Variants in CCNT1 observed in about 807,000 individuals in gnomAD.
CCNT1 encodes the protein cyclin T1.
Under a neutral mutation model 67.3 loss-of-function variants are expected in CCNT1, and 18 were observed. The observed-to-expected ratio is 0.27, with a 90% confidence interval of 0.18 to 0.40. The LOEUF (loss-of-function observed/expected upper bound fraction) is 0.40. Ranked by LOEUF, CCNT1 falls within the 10% of genes least tolerant of loss-of-function variation. CCNT1 has a pLI of 1.00. For missense variants in CCNT1, 744 were observed against 884.9 expected (o/e 0.84, Z 2.02); for synonymous variants, 333 against 310.3 (o/e 1.07, Z -0.77).
rs559667124 is a variant in CCNT1 at position 48,691,544 on chromosome 12, G to T, written c.*1489C>A. 1 of 152,288 alleles carries T rather than the reference G, an allele frequency of 6.6e-6. No individual in the cohort carries two copies. Among genetic ancestry groups the T allele is most frequent in the African/African-American group, 2.4e-5 (1 of 41,560 alleles). 9.4% of individuals were successfully genotyped at this position (152,288 alleles called of 1,614,324 possible). A position where few individuals can be genotyped will look rare whatever the true frequency, so the allele number is the denominator to read the frequency against. ...GAATTCTTTCTAGCCAAGATTTTCTGAAAGATTTATTAAAAATGTTCACTC... is the reference window on the plus strand; with the variant it reads ...GAATTCTTTCTAGCCAAGATTTTCTTAAAGATTTATTAAAAATGTTCACTC... On this transcript the variant is annotated 3_prime_UTR_variant, in exon 9 of 9. Transcript: ENST00000261900.
chr12:48,698,189 G>T lies in CCNT1; in HGVS notation c.497-6C>A. 1.5e-5 allele frequency: 17 copies of T among 1,099,888 alleles called. No individual in the cohort carries two copies. Among genetic ancestry groups the T allele is most frequent in the Non-Finnish European group, 1.8e-5 (14 of 796,316 alleles). The allele number at this position is 1,099,888 out of a possible 1,614,324, so 68.1% of individuals were successfully genotyped here. On this transcript the variant is annotated splice_polypyrimidine_tract_variant and splice_region_variant and intron_variant, in intron 5 of 8. Transcript: ENST00000261900. ...CTGTGCTAAGTCCTTGCTTGCTAAA[G>T]AAAAAAAAAAAAAGTCAGGGGTGGG...
chr12:48,714,475 T>C lies in CCNT1; in HGVS notation c.211A>G (p.Met71Val). ...TAIVYMHRFY[M>V]IQSFTQFPGN... ...GGGAACTGTGTGAAGGACTGAATCATGTAGAATCGATGCATGTATACTATA... is the reference window on the plus strand; with the variant it reads ...GGGAACTGTGTGAAGGACTGAATCACGTAGAATCGATGCATGTATACTATA... Residue 71 changes from methionine to valine, a missense_variant, in exon 2 of 9, where the codon ATG (methionine) becomes GTG (valine). This residue lies in a region of CCNT1 where 142 missense variants were observed against 277.0 expected (regional missense o/e 0.51). Transcript: ENST00000261900. 1.2e-6 allele frequency: 2 copies of C among 1,610,028 alleles called. No homozygotes were observed. Among genetic ancestry groups the C allele is most frequent in the Non-Finnish European group, 1.7e-6 (2 of 1,176,440 alleles).
intron 2 of CCNT1, among the ~76,000 whole-genome samples, chr12:48,713,736 ATCAAATCAC>A (rs1358912121): frequency 6.6e-6 from 1 of 152,192 alleles, no homozygotes; most frequent in African/African-American, 2.4e-5. Flanking sequence ...ATGAGCCATA[ATCAAATCAC>A]TGCATTCCAC....
chr12:48,716,192 G>A (rs1052527167), intron 1 of CCNT1, among the ~76,000 whole-genome samples: 15 of 152,220 alleles, frequency 9.9e-5, no homozygotes, highest in African/African-American at 3.6e-4. Flanking sequence ...GGGCACAGCG[G>A]AAAATGAGAA....
intron 2 of CCNT1, among the ~76,000 whole-genome samples, chr12:48,712,595 TA>T (rs759919820): frequency 1.5e-4 from 5 of 33,380 alleles, no homozygotes; most frequent in East Asian, 4.5e-3. Context: ...AAAAAAAAAA[TA>T]AAAAAAAAAA....
intron 3 of CCNT1, among the ~76,000 whole-genome samples, chr12:48,705,249 C>A (rs543785991): frequency 6.6e-6 from 1 of 152,084 alleles, no homozygotes; most frequent in Non-Finnish European, 1.5e-5. Context: ...GTAGCTGGGA[C>A]TAAAGATGTG....
chr12:48,710,083 G>A (rs540062355), intron 2 of CCNT1, among the ~76,000 whole-genome samples: 1 of 152,010 alleles, frequency 6.6e-6, no homozygotes, highest in South Asian at 2.1e-4. Flanking sequence ...ATAGAGACGG[G>A]GTTTCACCAT....
At chr12:48,703,884 C>T (rs927646878) in intron 3 of CCNT1, among the ~76,000 whole-genome samples, 5 of 150,852 alleles carry the variant, frequency 3.3e-5, no homozygotes, top group Admixed American at 2.6e-4. Flanking sequence ...CATGATCACA[C>T]TACTGGACTC....
At position 48,693,357 on chromosome 12, in the gene CCNT1, G is replaced by A. The variant is rs778407249; in HGVS notation, c.1857C>T (p.Asp619=). The A allele has an allele frequency of 6.2e-7, 1 of 1,614,240 alleles. No homozygotes were observed. Among genetic ancestry groups the A allele is most frequent in the South Asian group, 1.1e-5 (1 of 91,088 alleles). ...TMGQMPGHSS[D]TSGLSFSQPS... is the part of the protein sequence containing the mutation. ...GCTGTGAAAAGGAAAGGCCACTTGT[G>A]TCTGAGCTATGCCCAGGCATCTGAC... is the stretch of plus-strand genomic sequence containing the variant. The change falls in exon 9 of 9, where the codon GAC becomes GAT. Residue 619 remains aspartate, a synonymous_variant. Transcript: ENST00000261900.
rs757993014 is a variant in CCNT1, at chr12:48,692,811, CCTCT to C, written c.*218_*221del. 20 of 450,272 alleles carry C rather than the reference CCTCT, an allele frequency of 4.4e-5. No individual in the cohort carries two copies. The highest frequency in any genetic ancestry group is 1.4e-4 in the Admixed American group (4 of 28,010). 27.9% of individuals were successfully genotyped at this position (450,272 alleles called of 1,614,324 possible). On this transcript the variant is annotated 3_prime_UTR_variant, in exon 9 of 9. Transcript: ENST00000261900. ...TCCTTAATCCTTCACAGCTTCAACA[CCTCT>C]CTAATACCAGTAAAAACTGTAAGAA...
intron 5 of CCNT1, 51 bp from the exon 6 acceptor site, chr12:48,698,234 T>G: frequency 1.6e-6 from 2 of 1,237,944 alleles, no homozygotes; most frequent in Non-Finnish European, 2.3e-6. Context: ...AAGTTATTAG[T>G]TCCATTCATT....
Position 48,691,668 on chromosome 12 carries a change from G to C in CCNT1, c.*1365C>G, listed in dbSNP as rs1183255284. 1 of 152,088 alleles carries C rather than the reference G, an allele frequency of 6.6e-6. No homozygotes were observed. Among genetic ancestry groups the C allele is most frequent in the African/African-American group, 2.4e-5 (1 of 41,410 alleles). The allele number at this position is 152,088 out of a possible 1,614,324, so 9.4% of individuals were successfully genotyped here. On this transcript the variant is annotated 3_prime_UTR_variant, in exon 9 of 9. Coordinates refer to ENST00000261900, the MANE Select transcript of CCNT1 (RefSeq NM_001240.4). ...TAAGAACCTCGATCAAGAACCTAAAGCTACCAAAGATGAACAATCTAAACA... is the reference window on the plus strand; with the variant it reads ...TAAGAACCTCGATCAAGAACCTAAACCTACCAAAGATGAACAATCTAAACA...
intron 8 of CCNT1, 82 bp from the exon 9 acceptor site, chr12:48,694,518 GCAACA>G: frequency 2.3e-6 from 3 of 1,290,508 alleles, no homozygotes; most frequent in Non-Finnish European, 2.2e-6. Flanking sequence ...TGTACTTGCA[GCAACA>G]CTGGAAGTTC....
rs1377404602 is a variant in CCNT1 at position 48,688,848 on chromosome 12, A to G, written c.*4185T>C. The G allele has an allele frequency of 2.0e-5, 3 of 152,128 alleles. No individual in the cohort carries two copies. The highest frequency in any genetic ancestry group is 4.4e-5 in the Non-Finnish European group (3 of 68,030). 9.4% of individuals were successfully genotyped at this position (152,128 alleles called of 1,614,324 possible). ...TTTCGCTCTTTGGTCTGACAAGAAA[A>G]GAGTTTTAGGTGTGTGAAGTAGGGT... On this transcript the variant is annotated 3_prime_UTR_variant, in exon 9 of 9. Coordinates refer to ENST00000261900, the MANE Select transcript of CCNT1 (RefSeq NM_001240.4).
intron 2 of CCNT1, among the ~76,000 whole-genome samples, chr12:48,706,888 A>G (rs1424052785): frequency 6.6e-6 from 1 of 152,194 alleles, no homozygotes; most frequent in Non-Finnish European, 1.5e-5. Flanking sequence ...ACAAGACCAT[A>G]GGAGACAAAA....
At position 48,693,614 on chromosome 12, in the gene CCNT1, G is replaced by C. The variant is rs1404120757; in HGVS notation, c.1600C>G (p.Pro534Ala). The C allele has an allele frequency of 3.1e-6, 5 of 1,614,152 alleles. No individual in the cohort carries two copies. Among genetic ancestry groups the C allele is most frequent in the Admixed American group, 3.3e-5 (2 of 60,024 alleles). The change falls in exon 9 of 9, where the codon CCA becomes GCA. Residue 534 changes from proline to alanine, a missense_variant. By Grantham distance (27) the Pro-to-Ala change is conservative. Transcript: ENST00000261900. ...GGACGTTTGTTCCCAGTACCAACTG[G>C]AAGTTGGGAATGAGAGTGCTTGTGT... ...HSHKHSHSQL[P>A]VGTGNKRPGD...
chr12:48,694,077 A>C lies in CCNT1; in HGVS notation c.1137T>G (p.Ser379Arg). 1 of 1,614,150 alleles carries C rather than the reference A, an allele frequency of 6.2e-7. No individual in the cohort carries two copies. The highest frequency in any genetic ancestry group is 8.5e-7 in the Non-Finnish European group (1 of 1,180,030). ...SNAFISQKQN[S>R]KSVPSAKVSL... is the part of the protein sequence containing the mutation. The stretch of plus-strand genomic sequence containing the variant: ...ACACTTTAGCTGATGGCACACTCTT[A>C]CTATTCTGCTTCTGGGAAATAAATG... Residue 379 changes from serine (S) to arginine (R), a missense_variant, in exon 9 of 9, where the codon AGT (serine) becomes AGG (arginine). Transcript: ENST00000261900.
Position 48,693,308 on chromosome 12 carries a change from G to A in CCNT1, c.1906C>T (p.His636Tyr), listed in dbSNP as rs1444235204. The change falls in exon 9 of 9, where the codon CAT (histidine) becomes TAT (tyrosine). Residue 636 changes from histidine (H) to tyrosine (Y), a missense_variant. Around this residue, in one of 3 missense-constraint regions of CCNT1, gnomAD observed 564 missense variants for 574.2 expected, o/e 0.98. Transcript: ENST00000261900. ...GTGGGCCCTTTATCCAGTTTCGAAT[G>A]AGGGACACGAGTTTTACAGCTGGGC... The part of the protein sequence containing the change: ...SQPSCKTRVP[H>Y]SKLDKGPTGA... 6.2e-7 allele frequency: 1 copy of A among 1,614,218 alleles called. No homozygotes were observed. Among genetic ancestry groups the A allele is most frequent in the Admixed American group, 1.7e-5 (1 of 60,026 alleles).
In CCNT1 at chr12:48,689,248, A is replaced by T. The variant is rs1940034623; in HGVS notation, c.*3785T>A. 1 of 152,198 alleles carries T rather than the reference A, an allele frequency of 6.6e-6. No homozygotes were observed. The highest frequency in any genetic ancestry group is 2.4e-5 in the African/African-American group (1 of 41,446). 9.4% of individuals were successfully genotyped at this position (152,198 alleles called of 1,614,324 possible). On this transcript the variant is annotated 3_prime_UTR_variant, in exon 9 of 9. Transcript: ENST00000261900. ...CTCCCTTTTCCAATGCCAAGTTCAT[A>T]TGAAAAACTTTAGAAACATTAAAAT...
Sources: allele counts gnomAD v4.1 joint callset (sites outside exome capture counted in the v4.1 genomes callset), GRCh38; gene constraint gnomAD v4.1.1; regional missense constraint gnomAD v4.1.1; transcripts MANE v1.5; gene names NCBI Gene and HGNC (gene_info 2026-07-23, HGNC 2026-07-21).